Variants in KLF12 observed in about 807,000 individuals in gnomAD.
KLF12 encodes KLF transcription factor 12.
Under a neutral mutation model 37.8 loss-of-function variants are expected in KLF12, and 9 were observed. The observed-to-expected ratio is 0.24, with a 90% confidence interval of 0.14 to 0.42. The LOEUF (loss-of-function observed/expected upper bound fraction) is 0.42. Among genes scored for constraint, KLF12 ranks in the 10% least tolerant of loss-of-function variants. The pLI is 1.00. For missense variants in KLF12, 411 were observed against 516.0 expected (o/e 0.80, Z 1.97); for synonymous variants, 208 against 202.1 (o/e 1.03, Z -0.25).
chr13:73,872,752 T>TA (rs1482990892), intron 3 of KLF12, among the ~76,000 whole-genome samples: 4 of 152,212 alleles, frequency 2.6e-5, no homozygotes, highest in Non-Finnish European at 5.9e-5. Context: ...CTCACTTAGC[T>TA]AAGACAGGCT....
At chr13:73,730,443 T>G (rs1419001823) in intron 6 of KLF12, among the ~76,000 whole-genome samples, 2 of 152,176 alleles carry the variant, frequency 1.3e-5, no homozygotes. Context: ...TCCAAGCCTT[T>G]CAGAGGGCAC....
chr13:74,008,224 T>C (rs1892465225), intron 1 of KLF12, among the ~76,000 whole-genome samples: 1 of 152,226 alleles, frequency 6.6e-6, no homozygotes, highest in Non-Finnish European at 1.5e-5. Flanking sequence ...GACCAATTCC[T>C]AATTTTGAGT....
intron 3 of KLF12, among the ~76,000 whole-genome samples, chr13:73,902,917 T>C (rs1207381479): frequency 6.6e-6 from 1 of 152,208 alleles, no homozygotes; most frequent in East Asian, 1.9e-4. Context: ...CCCTGAGTTA[T>C]TTGGTTAATG....
At chr13:73,812,300 C>T (rs1363360668) in intron 5 of KLF12, among the ~76,000 whole-genome samples, 1 of 151,750 alleles carries the variant, frequency 6.6e-6, no homozygotes, top group Non-Finnish European at 1.5e-5. Flanking sequence ...ATTCTTAGGA[C>T]CTAATATACA....
the KLF12 span, among the ~76,000 whole-genome samples, chr13:74,148,082 A>AT: frequency 1.3e-5 from 2 of 151,318 alleles, no homozygotes; most frequent in Admixed American, 6.6e-5. Flanking sequence ...CAGCTAATTT[A>AT]TTTTTTGTAT....
At chr13:73,784,296 G>T (rs1881164305) in intron 5 of KLF12, among the ~76,000 whole-genome samples, 1 of 152,012 alleles carries the variant, frequency 6.6e-6, no homozygotes, top group African/African-American at 2.4e-5. Context: ...CATCAAAGGG[G>T]TTCTCAATAT....
chr13:73,858,602 A>G (rs1885736721), intron 3 of KLF12, among the ~76,000 whole-genome samples: 1 of 152,210 alleles, frequency 6.6e-6, no homozygotes, highest in Non-Finnish European at 1.5e-5. Context: ...TCCATCAGTA[A>G]CTATTTAGTG....
chr13:73,968,744 G>C (rs1276991709), intron 2 of KLF12, among the ~76,000 whole-genome samples: 1 of 152,128 alleles, frequency 6.6e-6, no homozygotes, highest in Non-Finnish European at 1.5e-5. Context: ...TTATTTTCTA[G>C]AGTCCCTAAC....
the KLF12 span, among the ~76,000 whole-genome samples, chr13:74,263,655 G>A: frequency 6.6e-6 from 1 of 152,162 alleles, no homozygotes; most frequent in Admixed American, 6.5e-5. Flanking sequence ...CAGGAGAATC[G>A]CTTGAACCCA....
chr13:73,859,105 G>A (rs1469369046), intron 3 of KLF12, among the ~76,000 whole-genome samples: 1 of 152,172 alleles, frequency 6.6e-6, no homozygotes, highest in Non-Finnish European at 1.5e-5. Context: ...GAGCCTCTCT[G>A]TCATTAGGTC....
At chr13:73,766,068 C>A (rs528445661) in intron 5 of KLF12, among the ~76,000 whole-genome samples, 1 of 152,340 alleles carries the variant, frequency 6.6e-6, no homozygotes, top group South Asian at 2.1e-4. Context: ...ACTTTGCACT[C>A]GGAAGGCTTA....
chr13:74,181,151 A>C, the KLF12 span, among the ~76,000 whole-genome samples: 2 of 151,770 alleles, frequency 1.3e-5, no homozygotes, highest in Admixed American at 1.3e-4. Flanking sequence ...GGCATGCGCC[A>C]CCATGCCTGG....
At chr13:74,261,100 C>G in the KLF12 span, among the ~76,000 whole-genome samples, 1 of 152,022 alleles carries the variant, frequency 6.6e-6, no homozygotes, top group Non-Finnish European at 1.5e-5. Flanking sequence ...TCCGTGTAAC[C>G]AAACACCAGC....
intron 5 of KLF12, among the ~76,000 whole-genome samples, chr13:73,797,207 C>G (rs1882025256): frequency 6.6e-6 from 1 of 152,194 alleles, no homozygotes; most frequent in East Asian, 1.9e-4. Context: ...CCACTGACTT[C>G]CTGTCTATAT....
intron 6 of KLF12, among the ~76,000 whole-genome samples, chr13:73,753,778 A>T (rs762491897): frequency 5.3e-5 from 8 of 152,216 alleles, no homozygotes; most frequent in Admixed American, 1.3e-4. Context: ...GGCTAGGAGA[A>T]AATAAAGAAG....
At chr13:73,704,537 T>G (rs749849777) in intron 7 of KLF12, among the ~76,000 whole-genome samples, 21 of 152,204 alleles carry the variant, frequency 1.4e-4, no homozygotes, top group Admixed American at 4.6e-4. Flanking sequence ...ATCCCCACAG[T>G]GGTGGTCTAC....
At chr13:73,790,394 T>C (rs930840963) in intron 5 of KLF12, among the ~76,000 whole-genome samples, 3 of 152,194 alleles carry the variant, frequency 2.0e-5, no homozygotes, top group African/African-American at 7.2e-5. Context: ...CAGTCTGCTT[T>C]GGCCAATATA....
At chr13:73,981,944 G>T (rs1012697847) in intron 2 of KLF12, among the ~76,000 whole-genome samples, 2 of 151,790 alleles carry the variant, frequency 1.3e-5, no homozygotes, top group Non-Finnish European at 2.9e-5. Flanking sequence ...GGACTAAAAG[G>T]GGTCTTGAAA....
At position 73,711,253 on chromosome 13, in the gene KLF12, T is replaced by C. The variant is rs146748244; in HGVS notation, c.1027+4115A>G. Among the ~76,000 whole-genome samples the C allele has an allele frequency of 2.6e-3, 395 of 152,306 alleles. 1 individual carries two copies. The highest frequency in any genetic ancestry group is 8.9e-3 in the African/African-American group (369 of 41,586). On this transcript the variant is annotated intron_variant, in intron 7 of 7. Transcript: ENST00000377669. ...CTGATGTAGAAGCTGCAGCAAGGTA[T>C]CCAGAAGATCTAGCTAAGATCACTG...
Sources: allele counts gnomAD v4.1 joint callset (sites outside exome capture counted in the v4.1 genomes callset), GRCh38; gene constraint gnomAD v4.1.1; transcripts MANE v1.5; gene names NCBI Gene and HGNC (gene_info 2026-07-23, HGNC 2026-07-21).